The following FNTB variants were observed in gnomAD, a reference collection of about 807,000 sequenced individuals.
FNTB encodes the protein protein farnesyltransferase subunit beta.
FNTB carries 27 observed loss-of-function variants against 59.4 expected under a neutral mutation model. The ratio of observed to expected loss-of-function variants is 0.45; its 90% CI spans 0.34 to 0.63. The LOEUF is 0.63. Among genes scored for constraint, FNTB ranks in the 20% least tolerant of loss-of-function variants. The pLI, the probability that FNTB is intolerant of heterozygous loss-of-function variation, is 0.02. For missense variants in FNTB, 449 were observed against 559.6 expected (o/e 0.80, Z 1.99); for synonymous variants, 230 against 220.7 (o/e 1.04, Z -0.37).
Position 65,043,678 on chromosome 14 carries a change from C to T in FNTB, c.823-633C>T, listed in dbSNP as rs544607573. 9.3e-5 allele frequency among the ~76,000 whole-genome samples: 14 copies of T among 150,756 alleles called. No homozygotes were observed. In the South Asian group the frequency reaches 1.1e-3, roughly 11 times the overall value. Reference sequence around the variant, plus strand: ...TCTACTAAAAATACAAAAAATTAGCCGGGCGCGGTGGCGGGCGCCTGTGGT... The same window carrying T: ...TCTACTAAAAATACAAAAAATTAGCTGGGCGCGGTGGCGGGCGCCTGTGGT... On this transcript the variant is annotated intron_variant, in intron 8 of 11. Coordinates refer to ENST00000246166, the MANE Select transcript of FNTB (RefSeq NM_002028.4).
chr14:65,017,247 C>T (rs555799655), intron 4 of FNTB, among the ~76,000 whole-genome samples: 3 of 152,104 alleles, frequency 2.0e-5, no homozygotes, highest in South Asian at 4.1e-4. Context: ...AATACCAGCT[C>T]GGGGGCCTGG....
At chr14:64,998,322 G>A (rs4902355) in intron 1 of FNTB, among the ~76,000 whole-genome samples, 58,401 of 152,026 alleles carry the variant, frequency 0.38, 11,497 homozygotes, top group Non-Finnish European at 0.42. Context: ...GTGTATTGCA[G>A]TGGGAATCTT....
In FNTB at chr14:65,027,447, A is replaced by G; in HGVS notation, c.375-6A>G. 1.9e-6 allele frequency: 3 copies of G among 1,614,062 alleles called. No homozygotes were observed. The highest frequency in any genetic ancestry group is 2.5e-6 in the Non-Finnish European group (3 of 1,179,984). ...CTTTGTTTTTGCCCTTTGGCTGTGT[A>G]CCTAGTGTGTGTCAGTTCCTGGAGC... On this transcript the variant is annotated splice_region_variant and splice_polypyrimidine_tract_variant and intron_variant, in intron 4 of 11. Coordinates refer to ENST00000246166, the MANE Select transcript of FNTB (RefSeq NM_002028.4). The surrounding 1 kb of genome is among the most constrained non-coding windows in gnomAD (Gnocchi z 5.7).
At position 65,054,120 on chromosome 14, in the gene FNTB, T is replaced by G. The variant is rs1329546748; in HGVS notation, c.1068-455T>G. Among the ~76,000 whole-genome samples, 1 of 151,836 alleles carries G rather than the reference T, an allele frequency of 6.6e-6. No individual in the cohort carries two copies. The highest frequency in any genetic ancestry group is 1.5e-5 in the Non-Finnish European group (1 of 67,978). ...GGATGGGGCTTTTATTTTATTGTAT[T>G]TTACTTTTTTGAGACAGGGTCTCAC... On this transcript the variant is annotated intron_variant, in intron 10 of 11. Transcript: ENST00000246166. This position sits in a 1 kb window ranked among gnomAD's most constrained non-coding sequence, Gnocchi z 4.4.
chr14:65,032,542 G>A lies in FNTB; in HGVS notation c.606-68G>A. ...ACTAGGCAAGGCGAGCAGTCCGCCC[G>A]CGGAGTTCACTGAGCCTCATTAGCT... On this transcript the variant is annotated intron_variant, in intron 6 of 11. Coordinates refer to ENST00000246166, the MANE Select transcript of FNTB (RefSeq NM_002028.4). This position sits in a 1 kb window ranked among gnomAD's most constrained non-coding sequence, Gnocchi z 5.0. The A allele has an allele frequency of 2.5e-6, 4 of 1,572,410 alleles. No homozygotes were observed. Among genetic ancestry groups the A allele is most frequent in the African/African-American group, 1.4e-5 (1 of 73,854 alleles).
chr14:65,056,293 G>T (rs772065223), intron 11 of FNTB, among the ~76,000 whole-genome samples: 1 of 152,068 alleles, frequency 6.6e-6, no homozygotes, highest in Non-Finnish European at 1.5e-5. Context: ...ATGTACCCCA[G>T]TGTGTTTCTC....
Position 65,032,882 on chromosome 14 carries a change from G to A in FNTB, c.692+186G>A, listed in dbSNP as rs936729083. 3.3e-5 allele frequency among the ~76,000 whole-genome samples: 5 copies of A among 151,756 alleles called. No individual in the cohort carries two copies. Among genetic ancestry groups the A allele is most frequent in the African/African-American group, 7.2e-5 (3 of 41,412 alleles). On this transcript the variant is annotated intron_variant, in intron 7 of 11. Coordinates refer to ENST00000246166, the MANE Select transcript of FNTB (RefSeq NM_002028.4). This position sits in a 1 kb window ranked among gnomAD's most constrained non-coding sequence, Gnocchi z 5.0. ...TTCTTTTTTCCAAACTTTCTTTAAT[G>A]TTATATTATATTTTAGATTGGCAAA...
intron 2 of FNTB, among the ~76,000 whole-genome samples, chr14:65,004,958 C>T (rs1055864915): frequency 6.6e-6 from 1 of 152,156 alleles, no homozygotes; most frequent in East Asian, 1.9e-4. Context: ...CCACTGTGCC[C>T]GGCCCAGATT....
At position 65,012,197 on chromosome 14, in the gene FNTB, G is replaced by A; in HGVS notation, c.210-120G>A. Reference sequence around the variant, plus strand: ...AGAGAAGTTGCTGGTTATCCAGTCAGTGATTGCAGGGGGACGTCCTGAAGC... The same window carrying A: ...AGAGAAGTTGCTGGTTATCCAGTCAATGATTGCAGGGGGACGTCCTGAAGC... On this transcript the variant is annotated intron_variant, in intron 2 of 11. Coordinates refer to ENST00000246166, the MANE Select transcript of FNTB (RefSeq NM_002028.4). This position sits in a 1 kb window ranked among gnomAD's most constrained non-coding sequence, Gnocchi z 5.0. 4.9e-6 allele frequency: 6 copies of A among 1,229,978 alleles called. No individual in the cohort carries two copies. The highest frequency in any genetic ancestry group is 2.0e-4 in the Middle Eastern group (1 of 5,022). 76.2% of individuals were successfully genotyped at this position (1,229,978 alleles called of 1,614,324 possible).
In FNTB at chr14:65,006,025, T is replaced by C. The variant is rs1379377866; in HGVS notation, c.209+1712T>C. The C allele has an allele frequency of 4.6e-6, 5 of 1,088,048 alleles. No homozygotes were observed. In the South Asian group the frequency reaches 8.0e-5, roughly 17 times the overall value. 67.4% of individuals were successfully genotyped at this position (1,088,048 alleles called of 1,614,324 possible). On this transcript the variant is annotated intron_variant, in intron 2 of 11. Transcript: ENST00000246166. ...GAAGTTGCAGGTCTGAAGTTCAGCC[T>C]TTCCTCCTTCATCATGTCTCTTGAC...
At chr14:65,039,380 G>C (rs1353124234) in intron 7 of FNTB, among the ~76,000 whole-genome samples, 3 of 152,154 alleles carry the variant, frequency 2.0e-5, no homozygotes, top group Non-Finnish European at 4.4e-5. Flanking sequence ...TTAGCTTGTT[G>C]GATATTCTGG....
In FNTB at chr14:65,054,193, G is replaced by A. The variant is rs1266203335; in HGVS notation, c.1068-382G>A. Among the ~76,000 whole-genome samples the A allele has an allele frequency of 6.6e-6, 1 of 152,004 alleles. No homozygotes were observed. Among genetic ancestry groups the A allele is most frequent in the African/African-American group, 2.4e-5 (1 of 41,378 alleles). On this transcript the variant is annotated intron_variant, in intron 10 of 11. Transcript: ENST00000246166. The surrounding 1 kb of genome is among the most constrained non-coding windows in gnomAD (Gnocchi z 4.4). ...AGTGTCACAATCATGACTCACTGCAGCCTTCACCTCTTGGGCTCGAGTGAT... is the reference window on the plus strand; with the variant it reads ...AGTGTCACAATCATGACTCACTGCAACCTTCACCTCTTGGGCTCGAGTGAT...
Position 65,062,394 on chromosome 14 carries a change from A to G in FNTB, c.*1082A>G, listed in dbSNP as rs906462599. On this transcript the variant is annotated 3_prime_UTR_variant, in exon 12 of 12. Transcript: ENST00000246166. The surrounding 1 kb of genome is among the most constrained non-coding windows in gnomAD (Gnocchi z 4.3). Reference sequence around the variant, plus strand: ...GTGGTGGCAGCGTGGGGTGCCGCCCAGCGTGCTGGGTCCTGGCAGTGCCTC... The same window carrying G: ...GTGGTGGCAGCGTGGGGTGCCGCCCGGCGTGCTGGGTCCTGGCAGTGCCTC... The G allele has an allele frequency of 6.6e-6, 1 of 152,638 alleles. No homozygotes were observed. Among genetic ancestry groups the G allele is most frequent in the African/African-American group, 2.4e-5 (1 of 41,456 alleles). 9.5% of individuals were successfully genotyped at this position (152,638 alleles called of 1,614,324 possible).
chr14:64,994,872 T>C lies in FNTB; in HGVS notation c.144+7775T>C, dbSNP rs1398362617. Among the ~76,000 whole-genome samples the C allele has an allele frequency of 6.6e-6, 1 of 152,238 alleles. No individual in the cohort carries two copies. Among genetic ancestry groups the C allele is most frequent in the East Asian group, 1.9e-4 (1 of 5,200 alleles). On this transcript the variant is annotated intron_variant, in intron 1 of 11. Coordinates refer to ENST00000246166, the MANE Select transcript of FNTB (RefSeq NM_002028.4). The surrounding 1 kb of genome is among the most constrained non-coding windows in gnomAD (Gnocchi z 4.2). ...TACACTAAATTTATTCATACGCTTT[T>C]TTCTTTCAATAATAAATTAAACCTA... is the stretch of plus-strand genomic sequence containing the variant.
intron 1 of FNTB, among the ~76,000 whole-genome samples, chr14:65,002,322 G>A (rs570568335): frequency 6.6e-6 from 1 of 152,280 alleles, no homozygotes; most frequent in South Asian, 2.1e-4. Context: ...ATACACCAAG[G>A]GGTTGGCTGG....
intron 11 of FNTB, among the ~76,000 whole-genome samples, chr14:65,056,812 T>G (rs1263860157): frequency 1.3e-5 from 2 of 152,214 alleles, no homozygotes; most frequent in African/African-American, 4.8e-5. Flanking sequence ...TGATTTGCAT[T>G]GCTATAAGAG....
At chr14:64,995,913 C>T (rs1888375986) in intron 1 of FNTB, among the ~76,000 whole-genome samples, 1 of 149,284 alleles carries the variant, frequency 6.7e-6, no homozygotes. Context: ...CGCGAATCTC[C>T]TGAGGTTGAG....
Position 65,047,080 on chromosome 14 carries a change from G to A in FNTB, c.955+2637G>A, listed in dbSNP as rs1460566739. ...CAACCCAACTGAAAAACAGGCAAAG[G>A]ATCTGAAGAAAGAGGTCCCAGTGAA... is the stretch of plus-strand genomic sequence containing the variant. On this transcript the variant is annotated intron_variant, in intron 9 of 11. Transcript: ENST00000246166. This position sits in a 1 kb window ranked among gnomAD's most constrained non-coding sequence, Gnocchi z 5.2. Among the ~76,000 whole-genome samples, 1 of 152,116 alleles carries A rather than the reference G, an allele frequency of 6.6e-6. No homozygotes were observed. The highest frequency in any genetic ancestry group is 2.4e-5 in the African/African-American group (1 of 41,420).
Position 65,054,468 on chromosome 14 carries a change from T to TG in FNTB, c.1068-99dup, listed in dbSNP as rs137873231. The TG allele has an allele frequency of 8.6e-4, 958 of 1,110,188 alleles. 7 individuals are homozygous for TG. The highest frequency in any genetic ancestry group is 2.5e-3 in the South Asian group (170 of 68,092). 68.8% of individuals were successfully genotyped at this position (1,110,188 alleles called of 1,614,324 possible). A position where few individuals can be genotyped will look rare whatever the true frequency, so the allele number is the denominator to read the frequency against. ...ATGCCTCCTCTAGCCACATGGAGGA[T>TG]GGGGGGGGACGTGTGATTGCACCAG... On this transcript the variant is annotated intron_variant, in intron 10 of 11. Coordinates refer to ENST00000246166, the MANE Select transcript of FNTB (RefSeq NM_002028.4). The surrounding 1 kb of genome is among the most constrained non-coding windows in gnomAD (Gnocchi z 4.4).
Sources: gnomAD v4.1 joint callset for allele counts (sites outside exome capture counted in the v4.1 genomes callset) on GRCh38, gnomAD v4.1.1 for gene constraint, Gnocchi (gnomAD v3.1) non-coding constraint, MANE v1.5 for transcripts, NCBI Gene and HGNC (gene_info 2026-07-23, HGNC 2026-07-21) for gene names.